Variants in WDR17 observed in about 807,000 individuals in gnomAD.
The protein encoded by WDR17 is WD repeat domain 17, also known as WD repeat-containing protein 17.
A neutral mutation model predicts 161.7 loss-of-function variants in WDR17; 143 were observed. The observed-to-expected ratio is 0.88, with a 90% confidence interval of 0.77 to 1.02. WDR17 has a LOEUF of 1.02. WDR17 is among the 50% of genes least tolerant of loss of function. The pLI, the probability that WDR17 is intolerant of heterozygous loss-of-function variation, is 0.00. For missense variants in WDR17, 1,469 were observed against 1,520.9 expected, an observed-to-expected ratio of 0.97 and a Z score of 0.57; for synonymous variants, 517 against 515.6, an observed-to-expected ratio of 1.00 and a Z score of -0.04.
At chr4:176,176,152 ATAAAAG>A (rs1405179026) in intron 26 of WDR17, among the ~76,000 whole-genome samples, 6 of 152,242 alleles carry the variant, frequency 3.9e-5, no homozygotes, top group African/African-American at 1.4e-4. Flanking sequence ...ATATATAATG[ATAAAAG>A]TAAAGAGAAA....
chr4:176,154,202 C>T (rs1179566823), intron 17 of WDR17, among the ~76,000 whole-genome samples: 3 of 151,938 alleles, frequency 2.0e-5, no homozygotes, highest in Admixed American at 6.6e-5. Flanking sequence ...TGTCCTAAGG[C>T]GGGCACGGTG....
At position 176,163,176 on chromosome 4, in the gene WDR17, G is replaced by A. The variant is rs144009080; in HGVS notation, c.2873G>A (p.Arg958His). The A allele has an allele frequency of 2.1e-4, 335 of 1,613,962 alleles. No homozygotes were observed. The highest frequency in any genetic ancestry group is 1.3e-3 in the African/African-American group (98 of 75,006). Reference protein sequence around the residue: ...NIELAMAYLIRGNELELAVCV... With the variant: ...NIELAMAYLIHGNELELAVCV... ...AAGCTTGCTATGGCATACCTGATTCGCGGAAATGAACTGGAGTTGGCAGTC... is the reference window on the plus strand; with the variant it reads ...AAGCTTGCTATGGCATACCTGATTCACGGAAATGAACTGGAGTTGGCAGTC... The change falls in exon 22 of 29, where the codon CGC becomes CAC. Residue 958 changes from arginine (R) to histidine (H), a missense_variant. Arg to His is a conservative substitution (Grantham distance 29, BLOSUM62 0). Transcript: ENST00000508596.
chr4:176,131,627 A>G lies in WDR17; in HGVS notation c.987A>G (p.Thr329=). The change falls in exon 7 of 29, where the codon ACA becomes ACG. Residue 329 remains threonine, a synonymous_variant. Transcript: ENST00000508596. The part of the protein sequence containing the change: ...TSEAVPPPTL[T]QNQAFSLPPG... ...AAGCAGTTCCACCCCCAACTTTAAC[A>G]CAGAATCAAGCATTTTCTCTTCCTC... 1 of 1,613,650 alleles carries G rather than the reference A, an allele frequency of 6.2e-7. No individual in the cohort carries two copies. Among genetic ancestry groups the G allele is most frequent in the Non-Finnish European group, 8.5e-7 (1 of 1,179,810 alleles).
chr4:176,099,564 A>C (rs544428516), intron 1 of WDR17, among the ~76,000 whole-genome samples: 28 of 152,234 alleles, frequency 1.8e-4, no homozygotes, highest in African/African-American at 6.7e-4. Context: ...ACACTAGAGC[A>C]TTCTGTTCTT....
intron 2 of WDR17, among the ~76,000 whole-genome samples, chr4:176,112,096 G>A (rs1023664385): frequency 7.2e-5 from 11 of 152,040 alleles, no homozygotes; most frequent in African/African-American, 1.4e-4. Flanking sequence ...GCCAAAAACC[G>A]CCTGAATTTC....
rs745408239 is a variant in WDR17 at position 176,150,072 on chromosome 4, C to G, written c.2077C>G (p.Leu693Val). 5 of 1,613,910 alleles carry G rather than the reference C, an allele frequency of 3.1e-6. No individual in the cohort carries two copies. The Admixed American group carries it at 6.7e-5, about 22-fold the overall frequency. The change falls in exon 15 of 29, where the codon CTA becomes GTA. Residue 693 changes from leucine (L) to valine (V), a missense_variant. By Grantham distance (32) the Leu-to-Val change is conservative. Coordinates refer to ENST00000508596, the MANE Select transcript of WDR17 (RefSeq NM_181265.4). ...DYAIEPGTPP[L>V]LCGKVSRDIR... ...TGCTATAGAACCAGGCACTCCTCCT[C>G]TACTGTGTGGTAAAGTGTCAAGAGA... is the stretch of plus-strand genomic sequence containing the variant.
chr4:176,096,750 TATA>T (rs758338001), intron 1 of WDR17, among the ~76,000 whole-genome samples: 7 of 152,112 alleles, frequency 4.6e-5, no homozygotes, highest in Non-Finnish European at 1.0e-4. Flanking sequence ...AAAGTAAGAA[TATA>T]ATAAGGGTAA....
In WDR17 at chr4:176,149,968, A is replaced by G. The variant is rs1311959269; in HGVS notation, c.2047+12A>G. 6.2e-7 allele frequency: 1 copy of G among 1,611,400 alleles called. No individual in the cohort carries two copies. The highest frequency in any genetic ancestry group is 1.7e-5 in the Admixed American group (1 of 59,384). On this transcript the variant is annotated intron_variant, in intron 14 of 28. Coordinates refer to ENST00000508596, the MANE Select transcript of WDR17 (RefSeq NM_181265.4). ...TATTGGGAACACTGGTATGGAACAT[A>G]TACATGTATTAGAGTTTATTTCTAA...
At chr4:176,126,801 A>G (rs1290434603) in intron 5 of WDR17, among the ~76,000 whole-genome samples, 2 of 152,142 alleles carry the variant, frequency 1.3e-5, no homozygotes, top group Admixed American at 1.3e-4. Flanking sequence ...AGTTTACCCT[A>G]TGCTGTTCTC....
intron 1 of WDR17, among the ~76,000 whole-genome samples, chr4:176,075,164 G>GT (rs573245500): frequency 1.8e-3 from 265 of 149,466 alleles, no homozygotes; most frequent in African/African-American, 6.3e-3. Flanking sequence ...ATTTTTTCCA[G>GT]TTTTTTTCTT....
At chr4:176,175,898 T>C (rs1275528895) in intron 26 of WDR17, among the ~76,000 whole-genome samples, 2 of 152,116 alleles carry the variant, frequency 1.3e-5, no homozygotes, top group Non-Finnish European at 2.9e-5. Context: ...GGCAGAGGAT[T>C]CTAAGAGAAA....
intron 1 of WDR17, among the ~76,000 whole-genome samples, chr4:176,071,206 A>G (rs1733186615): frequency 6.6e-6 from 1 of 151,832 alleles, no homozygotes; most frequent in Non-Finnish European, 1.5e-5. Context: ...ATAATCTTGT[A>G]TCTTTTTATG....
intron 23 of WDR17, among the ~76,000 whole-genome samples, chr4:176,171,611 A>G (rs1348509580): frequency 6.6e-6 from 1 of 152,210 alleles, no homozygotes; most frequent in Non-Finnish European, 1.5e-5. Flanking sequence ...CCATGAAACT[A>G]TTTTATCCAC....
intron 1 of WDR17, chr4:176,111,357 A>G (rs2126693587): frequency 9.1e-6 from 3 of 330,706 alleles, no homozygotes; most frequent in East Asian, 5.3e-5. Flanking sequence ...CTTCATTATC[A>G]TATTTCCTGC....
chr4:176,140,039 C>A, intron 10 of WDR17, 65 bp downstream of exon 10: 1 of 1,339,732 alleles, frequency 7.5e-7, no homozygotes, highest in South Asian at 1.3e-5. Flanking sequence ...TTTGATCATT[C>A]CAACTGTGTA....
chr4:176,090,307 C>T (rs1735957406), intron 1 of WDR17, among the ~76,000 whole-genome samples: 1 of 151,278 alleles, frequency 6.6e-6, no homozygotes, highest in Non-Finnish European at 1.5e-5. Flanking sequence ...CTTGCTCCCT[C>T]TCTCTTTCCA....
At chr4:176,175,774 T>G (rs1384341852) in intron 26 of WDR17, among the ~76,000 whole-genome samples, 1 of 152,070 alleles carries the variant, frequency 6.6e-6, no homozygotes, top group East Asian at 1.9e-4. Context: ...TTAGCCAGGA[T>G]GGTCTCGATC....
At chr4:176,099,305 A>C (rs1457023504) in intron 1 of WDR17, among the ~76,000 whole-genome samples, 6 of 152,184 alleles carry the variant, frequency 3.9e-5, no homozygotes, top group African/African-American at 1.4e-4. Flanking sequence ...GCAGAAATGA[A>C]TTAGCAGAAA....
At chr4:176,166,172 A>G (rs907297288) in intron 22 of WDR17, 1 of 771,820 alleles carries the variant, frequency 1.3e-6, no homozygotes, top group Non-Finnish European at 2.0e-6. Flanking sequence ...TTAAGAACAC[A>G]TTCCTTTAAA....
Sources: allele counts gnomAD v4.1 joint callset (sites outside exome capture counted in the v4.1 genomes callset), GRCh38; gene constraint gnomAD v4.1.1; transcripts MANE v1.5; gene names NCBI Gene and HGNC (gene_info 2026-07-23, HGNC 2026-07-21).